Variants in PLD5 observed in about 807,000 individuals in gnomAD.
PLD5 encodes inactive phospholipase D5.
A neutral mutation model predicts 61.1 loss-of-function variants in PLD5; 36 were observed. The ratio of observed to expected loss-of-function variants is 0.59; its 90% CI spans 0.45 to 0.78. The LOEUF (loss-of-function observed/expected upper bound fraction) is 0.78, where lower values mean the gene tolerates loss of function less well. Ranked by LOEUF, PLD5 falls within the 30% of genes least tolerant of loss-of-function variation. The probability of loss-of-function intolerance (pLI) is 0.00; values close to 1 mark genes in which losing one functional copy is unlikely to be tolerated. For synonymous variants in PLD5, 243 were observed against 242.8 expected (o/e 1.00, Z -0.01); for missense variants, 515 against 644.4 (o/e 0.80, Z 2.17).
chr1:242,213,273 A>G (rs1669943056), intron 5 of PLD5, among the ~76,000 whole-genome samples: 1 of 152,220 alleles, frequency 6.6e-6, no homozygotes, highest in African/African-American at 2.4e-5. Flanking sequence ...AAGGAATGCT[A>G]AACAGTCCTA....
intron 2 of PLD5, among the ~76,000 whole-genome samples, chr1:242,315,893 A>C (rs1012137227): frequency 6.6e-6 from 1 of 152,216 alleles, no homozygotes; most frequent in African/African-American, 2.4e-5. Flanking sequence ...AGACAGCCTC[A>C]GTTCTTTGTA....
intron 4 of PLD5, among the ~76,000 whole-genome samples, chr1:242,240,223 C>T (rs548243715): frequency 1.3e-5 from 2 of 152,284 alleles, no homozygotes; most frequent in South Asian, 4.2e-4. Flanking sequence ...CCATTTACTC[C>T]CCAGACACGC....
chr1:242,217,986 A>AT (rs1210632601), intron 5 of PLD5, among the ~76,000 whole-genome samples: 1 of 152,226 alleles, frequency 6.6e-6, no homozygotes, highest in East Asian at 1.9e-4. Flanking sequence ...AGTGGAAGGG[A>AT]TTGAGAGGAC....
At chr1:242,406,293 G>T (rs1218643383) in intron 1 of PLD5, among the ~76,000 whole-genome samples, 1 of 152,158 alleles carries the variant, frequency 6.6e-6, no homozygotes, top group African/African-American at 2.4e-5. Context: ...ACTATGCAAG[G>T]AATGAGAAAA....
At position 242,087,957 on chromosome 1, in the gene PLD5, T is replaced by G. The variant is rs1659548456; in HGVS notation, c.*1897A>C. 1 of 152,242 alleles carries G rather than the reference T, an allele frequency of 6.6e-6. No individual in the cohort carries two copies. Among genetic ancestry groups the G allele is most frequent in the South Asian group, 2.1e-4 (1 of 4,834 alleles). 9.4% of individuals were successfully genotyped at this position (152,242 alleles called of 1,614,324 possible). On this transcript the variant is annotated 3_prime_UTR_variant, in exon 10 of 10. Transcript: ENST00000536534. ...AAATACAGCTTCCTTCCAGCTCTCT[T>G]GATCAACTGGTTAAATATCTAGTGA... is the stretch of plus-strand genomic sequence containing the variant.
At chr1:242,446,200 T>C (rs1264121836) in intron 1 of PLD5, among the ~76,000 whole-genome samples, 1 of 151,802 alleles carries the variant, frequency 6.6e-6, no homozygotes, top group Non-Finnish European at 1.5e-5. Context: ...AACAAAATTA[T>C]ACTTATACCT....
At chr1:242,296,532 G>T (rs1675668551) in intron 2 of PLD5, among the ~76,000 whole-genome samples, 1 of 152,148 alleles carries the variant, frequency 6.6e-6, no homozygotes, top group African/African-American at 2.4e-5. Context: ...TACCTATGTG[G>T]CAGATTCACT....
At position 242,198,837 on chromosome 1, in the gene PLD5, C is replaced by T. The variant is rs1053076641; in HGVS notation, c.735+21151G>A. ...GCAACCTCCACCTCCCGGGTTCAAG[C>T]GATTCTCCTGCCACAGCCTCCTGAG... On this transcript the variant is annotated intron_variant, in intron 5 of 9. Coordinates refer to ENST00000536534, the MANE Select transcript of PLD5 (RefSeq NM_001372062.1). Among the ~76,000 whole-genome samples the T allele has an allele frequency of 7.2e-5, 11 of 152,016 alleles. No homozygotes were observed. In the East Asian group the frequency reaches 7.8e-4, roughly 11 times the overall value.
chr1:242,134,167 A>G (rs1362921375), intron 5 of PLD5, among the ~76,000 whole-genome samples: 1 of 152,232 alleles, frequency 6.6e-6, no homozygotes, highest in Non-Finnish European at 1.5e-5. Flanking sequence ...CACCCCACTT[A>G]GGCAGAGGAT....
chr1:242,125,501 C>T (rs985220814), intron 5 of PLD5, among the ~76,000 whole-genome samples: 3 of 152,184 alleles, frequency 2.0e-5, no homozygotes, highest in African/African-American at 7.2e-5. Flanking sequence ...CACTCAGGAA[C>T]ATAGCTATAC....
chr1:242,226,217 T>A (rs1229756472), intron 4 of PLD5, among the ~76,000 whole-genome samples: 1 of 152,072 alleles, frequency 6.6e-6, no homozygotes, highest in Non-Finnish European at 1.5e-5. Flanking sequence ...GGAAAAAAAA[T>A]ATGTGTCAGT....
chr1:242,384,383 G>T (rs1053296550), intron 1 of PLD5, among the ~76,000 whole-genome samples: 1 of 152,222 alleles, frequency 6.6e-6, no homozygotes, highest in African/African-American at 2.4e-5. Context: ...GTTCTGAGGG[G>T]CTGGTGAAAG....
intron 5 of PLD5, among the ~76,000 whole-genome samples, chr1:242,153,811 G>T (rs1055632081): frequency 1.3e-5 from 2 of 152,078 alleles, no homozygotes; most frequent in African/African-American, 4.8e-5. Context: ...TATTCTTTTT[G>T]CTTAGGGTTA....
At chr1:242,187,208 T>C (rs1356873762) in intron 5 of PLD5, among the ~76,000 whole-genome samples, 2 of 152,138 alleles carry the variant, frequency 1.3e-5, no homozygotes, top group Admixed American at 6.5e-5. Context: ...CAGGAAAAAT[T>C]GCTGTGTCTT....
intron 1 of PLD5, among the ~76,000 whole-genome samples, chr1:242,420,401 A>G (rs1665073339): frequency 6.6e-6 from 1 of 152,050 alleles, no homozygotes; most frequent in African/African-American, 2.4e-5. Context: ...CCCAAACTCT[A>G]CTACCAGGGT....
intron 1 of PLD5, among the ~76,000 whole-genome samples, chr1:242,352,145 C>CA (rs1660512566): frequency 6.6e-6 from 1 of 152,112 alleles, no homozygotes; most frequent in Non-Finnish European, 1.5e-5. Flanking sequence ...CAACAGATCT[C>CA]AAAAAAGAAG....
intron 1 of PLD5, among the ~76,000 whole-genome samples, chr1:242,491,750 C>T (rs1454634392): frequency 6.6e-6 from 1 of 152,150 alleles, no homozygotes; most frequent in African/African-American, 2.4e-5. Flanking sequence ...ACTGTGTTCT[C>T]CATTTTGATA....
chr1:242,405,863 A>T (rs2149283266), intron 1 of PLD5, among the ~76,000 whole-genome samples: 1 of 152,126 alleles, frequency 6.6e-6, no homozygotes, highest in African/African-American at 2.4e-5. Flanking sequence ...CAGCCTCCCA[A>T]AGTGCTGGGA....
At chr1:242,104,400 T>C (rs1211780806) in intron 8 of PLD5, among the ~76,000 whole-genome samples, 2 of 151,630 alleles carry the variant, frequency 1.3e-5, no homozygotes, top group Non-Finnish European at 2.9e-5. Context: ...TCCCAAAGTG[T>C]TGGGATTACA....
Sources: gnomAD v4.1 joint callset for allele counts (sites outside exome capture counted in the v4.1 genomes callset) on GRCh38, gnomAD v4.1.1 for gene constraint, MANE v1.5 for transcripts, NCBI Gene and HGNC (gene_info 2026-07-23, HGNC 2026-07-21) for gene names.